CTNND2: variants seen among roughly 807,000 people sequenced by gnomAD.
The protein encoded by CTNND2 is catenin delta-2.
A neutral mutation model predicts 144.4 loss-of-function variants in CTNND2; 22 were observed. The ratio of observed to expected loss-of-function variants is 0.15; its 90% CI spans 0.11 to 0.22. The LOEUF (loss-of-function observed/expected upper bound fraction) is 0.22, where lower values mean the gene tolerates loss of function less well. Among genes scored for constraint, CTNND2 ranks in the 10% least tolerant of loss-of-function variants. The pLI, the probability that CTNND2 is intolerant of heterozygous loss-of-function variation, is 1.00. For synonymous variants in CTNND2, 751 were observed against 695.6 expected (o/e 1.08, Z -1.25); for missense variants, 1,353 against 1,618.8 (o/e 0.84, Z 2.82).
At chr5:11,552,296 G>T (rs1005007209) in intron 3 of CTNND2, among the ~76,000 whole-genome samples, 5 of 152,090 alleles carry the variant, frequency 3.3e-5, no homozygotes, top group Non-Finnish European at 7.4e-5. Flanking sequence ...AGTCAAACTG[G>T]AAAACATTCA....
At chr5:11,740,028 C>G (rs949391547) in intron 1 of CTNND2, among the ~76,000 whole-genome samples, 5 of 151,988 alleles carry the variant, frequency 3.3e-5, no homozygotes, top group African/African-American at 7.2e-5. Flanking sequence ...CACTGCTCAA[C>G]GAAATAAAAG....
At chr5:11,883,564 T>C (rs1018277977) in intron 1 of CTNND2, among the ~76,000 whole-genome samples, 1 of 152,228 alleles carries the variant, frequency 6.6e-6, no homozygotes, top group Non-Finnish European at 1.5e-5. Flanking sequence ...CCATATTTTA[T>C]TTATCCAGTC....
Position 11,700,948 on chromosome 5 carries a change from G to A in CTNND2, c.174+31188C>T, listed in dbSNP as rs570884927. On this transcript the variant is annotated intron_variant, in intron 2 of 21. Coordinates refer to ENST00000304623, the MANE Select transcript of CTNND2 (RefSeq NM_001332.4). ...GTGAAGACAGAACCCGTGCTAATTC[G>A]GGGTAACTATAAAATGATTATCTTT... is the stretch of plus-strand genomic sequence containing the variant. Among the ~76,000 whole-genome samples, 5 of 152,246 alleles carry A rather than the reference G, an allele frequency of 3.3e-5. 1 individual carries two copies. The South Asian group carries it at 1.0e-3, about 32-fold the overall frequency.
intron 1 of CTNND2, among the ~76,000 whole-genome samples, chr5:11,797,174 C>A (rs540246601): frequency 6.6e-6 from 1 of 152,320 alleles, no homozygotes; most frequent in East Asian, 1.9e-4. Context: ...AATAAAACAA[C>A]TAGGAAAAGA....
At chr5:11,856,328 A>G (rs576066656) in intron 1 of CTNND2, among the ~76,000 whole-genome samples, 1 of 152,200 alleles carries the variant, frequency 6.6e-6, no homozygotes, top group Non-Finnish European at 1.5e-5. Context: ...ACGAGGTAAG[A>G]AGGGATGCTG....
intron 2 of CTNND2, chr5:11,589,150 G>T: frequency 2.1e-6 from 1 of 480,310 alleles, no homozygotes; most frequent in African/African-American, 2.1e-5. Context: ...ACCCCCATTG[G>T]CATTATTTAT....
At position 11,564,103 on chromosome 5, in the gene CTNND2, GAGA is replaced by G. The variant is rs560814377; in HGVS notation, c.287+838_287+840del. ...GAAAGAGGGCGTGAGTCACTATATG[GAGA>G]AGAAGTAGGCTTAGTTGGCTACCTT... On this transcript the variant is annotated intron_variant, in intron 3 of 21. Coordinates refer to ENST00000304623, the MANE Select transcript of CTNND2 (RefSeq NM_001332.4). Among the ~76,000 whole-genome samples, 472 of 152,322 alleles carry G rather than the reference GAGA, an allele frequency of 3.1e-3. 3 individuals are homozygous for G. Among genetic ancestry groups the G allele is most frequent in the African/African-American group, 0.011 (459 of 41,578 alleles).
At chr5:11,329,428 T>G (rs751587780) in intron 9 of CTNND2, among the ~76,000 whole-genome samples, 2 of 152,196 alleles carry the variant, frequency 1.3e-5, no homozygotes, top group Non-Finnish European at 2.9e-5. Flanking sequence ...GTGCTGGGAT[T>G]ATAGGTGGAA....
intron 2 of CTNND2, among the ~76,000 whole-genome samples, chr5:11,702,438 CTT>C (rs1561709820): frequency 6.6e-6 from 1 of 152,174 alleles, no homozygotes; most frequent in African/African-American, 2.4e-5. Flanking sequence ...TCAGACAGTT[CTT>C]GTTTTATTGT....
intron 2 of CTNND2, among the ~76,000 whole-genome samples, chr5:11,697,523 T>G (rs545205141): frequency 6.6e-6 from 1 of 152,310 alleles, no homozygotes; most frequent in South Asian, 2.1e-4. Context: ...TATCAATCAC[T>G]AAAATAGGGA....
chr5:11,848,897 A>G (rs1794881274), intron 1 of CTNND2, among the ~76,000 whole-genome samples: 1 of 152,138 alleles, frequency 6.6e-6, no homozygotes, highest in Non-Finnish European at 1.5e-5. Flanking sequence ...AGGAAAAAGT[A>G]CATTCTTCCT....
intron 1 of CTNND2, among the ~76,000 whole-genome samples, chr5:11,764,971 C>T (rs10071821): frequency 0.96 from 145,265 of 151,840 alleles, 69,806 homozygotes; most frequent in East Asian, 1. Flanking sequence ...TATCAAGTTC[C>T]ATTGGCCATG....
At position 11,874,847 on chromosome 5, in the gene CTNND2, A is replaced by T. The variant is rs146260604; in HGVS notation, c.37+28970T>A. 4.1e-3 allele frequency among the ~76,000 whole-genome samples: 628 copies of T among 152,330 alleles called. 7 individuals are homozygous for T. The highest frequency in any genetic ancestry group is 9.7e-3 in the Admixed American group (148 of 15,288). ...AAATTGATACCACAATCCCTTACCC[A>T]GATAGCCTGTACTATTCCCAGGTAA... On this transcript the variant is annotated intron_variant, in intron 1 of 21. Coordinates refer to ENST00000304623, the MANE Select transcript of CTNND2 (RefSeq NM_001332.4).
At chr5:11,174,183 G>A (rs140162900) in intron 11 of CTNND2, among the ~76,000 whole-genome samples, 8 of 152,272 alleles carry the variant, frequency 5.3e-5, no homozygotes, top group East Asian at 3.9e-4. Flanking sequence ...ATGTGTTAAC[G>A]TTTGAGATTC....
chr5:11,069,888 T>A (rs1249670404), intron 16 of CTNND2, among the ~76,000 whole-genome samples: 1 of 152,206 alleles, frequency 6.6e-6, no homozygotes, highest in Non-Finnish European at 1.5e-5. Flanking sequence ...TGAATTTAAC[T>A]GGGCTGCAGC....
chr5:11,636,664 C>A (rs1432112173), intron 2 of CTNND2, among the ~76,000 whole-genome samples: 1 of 152,138 alleles, frequency 6.6e-6, no homozygotes, highest in African/African-American at 2.4e-5. Context: ...CAAAGGAAAT[C>A]AGGTCCAATG....
At chr5:11,055,246 A>G (rs1746236585) in intron 16 of CTNND2, among the ~76,000 whole-genome samples, 1 of 152,226 alleles carries the variant, frequency 6.6e-6, no homozygotes, top group Non-Finnish European at 1.5e-5. Flanking sequence ...AATGGCATAA[A>G]GGTTACTTTA....
intron 2 of CTNND2, among the ~76,000 whole-genome samples, chr5:11,710,201 C>A (rs1785945316): frequency 6.6e-6 from 1 of 152,138 alleles, no homozygotes; most frequent in Non-Finnish European, 1.5e-5. Context: ...TGGATTTTGA[C>A]CTGCTTCCCT....
chr5:11,836,211 G>A (rs902205942), intron 1 of CTNND2, among the ~76,000 whole-genome samples: 3 of 152,068 alleles, frequency 2.0e-5, no homozygotes, highest in African/African-American at 4.8e-5. Context: ...AATGGAACAC[G>A]TTTTTATACA....
Sources: allele counts gnomAD v4.1 joint callset (sites outside exome capture counted in the v4.1 genomes callset), GRCh38; gene constraint gnomAD v4.1.1; transcripts MANE v1.5; gene names NCBI Gene and HGNC (gene_info 2026-07-23, HGNC 2026-07-21).